KLLN: variants seen among roughly 807,000 people sequenced by gnomAD.
The protein encoded by KLLN is killin, p53 regulated DNA replication inhibitor.
For synonymous variants in KLLN, 142 were observed against 102.2 expected (o/e 1.39, Z -2.35); for missense variants, 340 against 241.3 (o/e 1.41, Z -2.71).
chr10:87,862,066 G>T lies in KLLN; in HGVS notation c.422C>A (p.Thr141Lys). ...NWLHKHPHPN[T>K]CPRLPACWLP... ...CCAGCAGGCGGGGAGGCGGGGGCAC[G>T]TGTTTGGATGTGGGTGCTTGTGTAA... The change falls in exon 1 of 1, where the codon ACG becomes AAG. Residue 141 changes from threonine (T) to lysine (K), a missense_variant. By Grantham distance (78) the Thr-to-Lys change is moderately conservative. Transcript: ENST00000445946. 1 of 1,501,418 alleles carries T rather than the reference G, an allele frequency of 6.7e-7. No individual in the cohort carries two copies. Among genetic ancestry groups the T allele is most frequent in the Non-Finnish European group, 8.9e-7 (1 of 1,121,732 alleles). 93.0% of individuals were successfully genotyped at this position (1,501,418 alleles called of 1,614,324 possible).
In KLLN at chr10:87,862,950, T is replaced by C. The variant is rs373561203; in HGVS notation, c.-463A>G. The C allele has an allele frequency of 1.4e-4, 27 of 189,566 alleles. 1 individual carries two copies. The highest frequency in any genetic ancestry group is 4.0e-4 in the Admixed American group (7 of 17,678). The allele number at this position is 189,566 out of a possible 1,614,324, so 11.7% of individuals were successfully genotyped here. On this transcript the variant is annotated 5_prime_UTR_variant, in exon 1 of 1. Transcript: ENST00000445946. The stretch of plus-strand genomic sequence containing the variant: ...GTTACAGTCAAATCTCTGCGAACGA[T>C]TGTGATCCGACAGCGGTGCAAAAGG...
In KLLN at chr10:87,862,323, G is replaced by T; in HGVS notation, c.165C>A (p.Ala55=). ...GFKRRWKDTR[A]TVGTTFRRRS... is the part of the protein sequence containing the mutation. ...TCCTTCGGAAAGTAGTTCCGACTGT[G>T]GCCCGTGTATCCTTCCACCTCCTTT... The change falls in exon 1 of 1, where the codon GCC becomes GCA. Residue 55 remains alanine, a synonymous_variant. Transcript: ENST00000445946. 1.3e-6 allele frequency: 2 copies of T among 1,551,718 alleles called. No homozygotes were observed. The highest frequency in any genetic ancestry group is 2.7e-5 in the African/African-American group (2 of 73,178).
rs529890302 is a variant in KLLN, at chr10:87,862,297, C to T, written c.191G>A (p.Arg64Lys). 33 of 1,551,758 alleles carry T rather than the reference C, an allele frequency of 2.1e-5. No homozygotes were observed. In the South Asian group the frequency reaches 3.8e-4, roughly 18 times the overall value. The change falls in exon 1 of 1, where the codon AGG becomes AAG. Residue 64 changes from arginine to lysine, a missense_variant. Transcript: ENST00000445946. Reference protein sequence around the residue: ...RATVGTTFRRRSRVSLVGELS... With the variant: ...RATVGTTFRRKSRVSLVGELS... ...TTCCCCAACTAGGGACACACGTGACCTCCTTCGGAAAGTAGTTCCGACTGT... is the reference window on the plus strand; with the variant it reads ...TTCCCCAACTAGGGACACACGTGACTTCCTTCGGAAAGTAGTTCCGACTGT...
chr10:87,862,298 T>C lies in KLLN; in HGVS notation c.190A>G (p.Arg64Gly), dbSNP rs1355394804. 6 of 1,551,744 alleles carry C rather than the reference T, an allele frequency of 3.9e-6. No homozygotes were observed. Among genetic ancestry groups the C allele is most frequent in the East Asian group, 2.4e-5 (1 of 40,914 alleles). ...RATVGTTFRR[R>G]SRVSLVGELS... ...TCCCCAACTAGGGACACACGTGACC[T>C]CCTTCGGAAAGTAGTTCCGACTGTG... is the stretch of plus-strand genomic sequence containing the variant. Residue 64 changes from arginine to glycine, a missense_variant, in exon 1 of 1, where the codon AGG (arginine) becomes GGG (glycine). By Grantham distance (125) the Arg-to-Gly change is moderately radical. Transcript: ENST00000445946.
Position 87,862,870 on chromosome 10 carries a change from A to G in KLLN, c.-383T>C. 1 of 272,202 alleles carries G rather than the reference A, an allele frequency of 3.7e-6. No homozygotes were observed. 16.9% of individuals were successfully genotyped at this position (272,202 alleles called of 1,614,324 possible). A position where few individuals can be genotyped will look rare whatever the true frequency, so the allele number is the denominator to read the frequency against. On this transcript the variant is annotated 5_prime_UTR_variant, in exon 1 of 1. Coordinates refer to ENST00000445946, the MANE Select transcript of KLLN (RefSeq NM_001126049.2). The stretch of plus-strand genomic sequence containing the variant: ...ATAGCAGGTTGCTCTTTGTGCTAAG[A>G]CTGACACCATGAGGACACAGATTTG...
At position 87,862,863 on chromosome 10, in the gene KLLN, T is replaced by G. The variant is rs944097161; in HGVS notation, c.-376A>C. On this transcript the variant is annotated 5_prime_UTR_variant, in exon 1 of 1. Coordinates refer to ENST00000445946, the MANE Select transcript of KLLN (RefSeq NM_001126049.2). The stretch of plus-strand genomic sequence containing the variant: ...CGACACAATAGCAGGTTGCTCTTTG[T>G]GCTAAGACTGACACCATGAGGACAC... 2 of 290,014 alleles carry G rather than the reference T, an allele frequency of 6.9e-6. No individual in the cohort carries two copies. The highest frequency in any genetic ancestry group is 2.1e-5 in the African/African-American group (1 of 46,534). The allele number at this position is 290,014 out of a possible 1,614,324, so 18.0% of individuals were successfully genotyped here.
Position 87,862,437 on chromosome 10 carries a change from A to T in KLLN, c.51T>A (p.Val17=), listed in dbSNP as rs1369330148. 1 of 1,551,410 alleles carries T rather than the reference A, an allele frequency of 6.4e-7. No homozygotes were observed. The highest frequency in any genetic ancestry group is 2.4e-5 in the East Asian group (1 of 40,894). Residue 17 remains valine (V), a synonymous_variant, in exon 1 of 1, where the codon GTT becomes GTA. Transcript: ENST00000445946. ...GSARPGRTVH[V]WGYRVEWKVR... is the part of the protein sequence containing the mutation. ...CTTTCCACTCAACCCGGTAACCCCA[A>T]ACGTGCACGGTCCGGCCGGGGCGCG...
chr10:87,862,580 C>G lies in KLLN; in HGVS notation c.-93G>C. On this transcript the variant is annotated 5_prime_UTR_variant, in exon 1 of 1. Transcript: ENST00000445946. ...CCGACGCCGCGAACCGACCTGGAGC[C>G]CGAGGGGAAAGATGCTCGACTCTCT... is the stretch of plus-strand genomic sequence containing the variant. 8.2e-7 allele frequency: 1 copy of G among 1,213,608 alleles called. No homozygotes were observed. Among genetic ancestry groups the G allele is most frequent in the South Asian group, 1.5e-5 (1 of 65,580 alleles). The allele number at this position is 1,213,608 out of a possible 1,614,324, so 75.2% of individuals were successfully genotyped here.
In KLLN at chr10:87,861,788, G is replaced by T; in HGVS notation, c.*163C>A. The T allele has an allele frequency of 3.4e-6, 2 of 593,802 alleles. No homozygotes were observed. Among genetic ancestry groups the T allele is most frequent in the Non-Finnish European group, 5.6e-6 (2 of 356,786 alleles). The allele number at this position is 593,802 out of a possible 1,614,324, so 36.8% of individuals were successfully genotyped here. Reference sequence around the variant, plus strand: ...CAACATCGGAGAATGCACGCTCTGGGCTGCAGCAGGAGATACCCTCAAGCA... The same window carrying T: ...CAACATCGGAGAATGCACGCTCTGGTCTGCAGCAGGAGATACCCTCAAGCA... On this transcript the variant is annotated 3_prime_UTR_variant, in exon 1 of 1. Coordinates refer to ENST00000445946, the MANE Select transcript of KLLN (RefSeq NM_001126049.2).
rs1381656156 is a variant in KLLN, at chr10:87,862,189, C to T, written c.299G>A (p.Arg100Lys). The T allele has an allele frequency of 5.2e-6, 8 of 1,551,410 alleles. No individual in the cohort carries two copies. In the East Asian group the frequency reaches 2.0e-4, roughly 38 times the overall value. ...GCAGGAAGGGTTGGGGTTCCGCTGC[C>T]TGCACCAGGCAAGAGCACCCCGAGC... ...SFARGALAWC[R>K]QRNPNPSCAA... is the part of the protein sequence containing the mutation. Residue 100 changes from arginine (R) to lysine (K), a missense_variant, in exon 1 of 1, where the codon AGG (arginine) becomes AAG (lysine). Coordinates refer to ENST00000445946, the MANE Select transcript of KLLN (RefSeq NM_001126049.2).
chr10:87,862,357 C>T lies in KLLN; in HGVS notation c.131G>A (p.Gly44Glu). ...ATCCTTCCACCTCCTTTTGAACCCTCCTAGGTCTCCTCGCCCCGCCCACTC... is the reference window on the plus strand; with the variant it reads ...ATCCTTCCACCTCCTTTTGAACCCTTCTAGGTCTCCTCGCCCCGCCCACTC... ...PSEWAGRGDLGGFKRRWKDTR... is the reference protein window; with the variant it reads ...PSEWAGRGDLEGFKRRWKDTR... The change falls in exon 1 of 1, where the codon GGA becomes GAA. Residue 44 changes from glycine to glutamate, a missense_variant. Physicochemically the swap from Gly to Glu is moderately conservative, Grantham distance 98. Transcript: ENST00000445946. 2.6e-6 allele frequency: 4 copies of T among 1,551,686 alleles called. No homozygotes were observed. Among genetic ancestry groups the T allele is most frequent in the East Asian group, 2.4e-5 (1 of 40,896 alleles).
At position 87,862,748 on chromosome 10, in the gene KLLN, A is replaced by G; in HGVS notation, c.-261T>C. ...TTCACGTTCAGCACGCTCGGCTGAGAGCTTTCATTTTTAGGGCAAACGAGC... is the reference window on the plus strand; with the variant it reads ...TTCACGTTCAGCACGCTCGGCTGAGGGCTTTCATTTTTAGGGCAAACGAGC... On this transcript the variant is annotated 5_prime_UTR_variant, in exon 1 of 1. Transcript: ENST00000445946. The G allele has an allele frequency of 1.9e-6, 1 of 516,574 alleles. No individual in the cohort carries two copies. Among genetic ancestry groups the G allele is most frequent in the Admixed American group, 3.4e-5 (1 of 29,292 alleles). 32.0% of individuals were successfully genotyped at this position (516,574 alleles called of 1,614,324 possible).
At position 87,862,598 on chromosome 10, in the gene KLLN, G is replaced by C. The variant is rs2132138198; in HGVS notation, c.-111C>G. 9.7e-7 allele frequency: 1 copy of C among 1,030,424 alleles called. No individual in the cohort carries two copies. Among genetic ancestry groups the C allele is most frequent in the Non-Finnish European group, 1.4e-6 (1 of 711,146 alleles). The allele number at this position is 1,030,424 out of a possible 1,614,324, so 63.8% of individuals were successfully genotyped here. ...CTGGAGCCCGAGGGGAAAGATGCTC[G>C]ACTCTCTTGGGGGCACCGGAGCGGG... On this transcript the variant is annotated 5_prime_UTR_variant, in exon 1 of 1. Coordinates refer to ENST00000445946, the MANE Select transcript of KLLN (RefSeq NM_001126049.2).
At position 87,862,659 on chromosome 10, in the gene KLLN, G is replaced by T; in HGVS notation, c.-172C>A. 1.6e-6 allele frequency: 1 copy of T among 625,234 alleles called. No individual in the cohort carries two copies. Among genetic ancestry groups the T allele is most frequent in the South Asian group, 2.0e-5 (1 of 49,646 alleles). The allele number at this position is 625,234 out of a possible 1,614,324, so 38.7% of individuals were successfully genotyped here. A position where few individuals can be genotyped will look rare whatever the true frequency, so the allele number is the denominator to read the frequency against. On this transcript the variant is annotated 5_prime_UTR_variant, in exon 1 of 1. It adds an upstream start codon to the 5' untranslated region. Coordinates refer to ENST00000445946, the MANE Select transcript of KLLN (RefSeq NM_001126049.2). ...GCCTGCGGGGTGCGTCCCACTCACA[G>T]GGATCCTCTTTCAGTTCATTTAGAT...
Position 87,859,271 on chromosome 10 carries a change from T to G in KLLN, c.*2680A>C, listed in dbSNP as rs544033033. 6.6e-6 allele frequency: 1 copy of G among 152,276 alleles called. No individual in the cohort carries two copies. Among genetic ancestry groups the G allele is most frequent in the East Asian group, 1.9e-4 (1 of 5,190 alleles). The allele number at this position is 152,276 out of a possible 1,614,324, so 9.4% of individuals were successfully genotyped here. ...CTTGGAACAATGGGTTTACATTCAA[T>G]CCAATGATTATTATGTTTTTATATT... On this transcript the variant is annotated 3_prime_UTR_variant, in exon 1 of 1. Coordinates refer to ENST00000445946, the MANE Select transcript of KLLN (RefSeq NM_001126049.2).
Position 87,860,830 on chromosome 10 carries a change from A to C in KLLN, c.*1121T>G, listed in dbSNP as rs1858243251. 6.6e-6 allele frequency: 1 copy of C among 152,228 alleles called. No individual in the cohort carries two copies. Among genetic ancestry groups the C allele is most frequent in the Non-Finnish European group, 1.5e-5 (1 of 68,042 alleles). 9.4% of individuals were successfully genotyped at this position (152,228 alleles called of 1,614,324 possible). A position where few individuals can be genotyped will look rare whatever the true frequency, so the allele number is the denominator to read the frequency against. ...TGGTTTTTACCATGCAATCTAGTAGAACACCTAGACATCAGGAACTCCTTA... is the reference window on the plus strand; with the variant it reads ...TGGTTTTTACCATGCAATCTAGTAGCACACCTAGACATCAGGAACTCCTTA... On this transcript the variant is annotated 3_prime_UTR_variant, in exon 1 of 1. Coordinates refer to ENST00000445946, the MANE Select transcript of KLLN (RefSeq NM_001126049.2).
rs537792531 is a variant in KLLN, at chr10:87,862,161, G to C, written c.327C>G (p.Ala109=). Residue 109 remains alanine (A), a synonymous_variant, in exon 1 of 1, where the codon GCC becomes GCG. Coordinates refer to ENST00000445946, the MANE Select transcript of KLLN (RefSeq NM_001126049.2). ...CRQRNPNPSC[A]AAETGARTSL... ...TGGTCCGAGCCCCTGTTTCCGCCGC[G>C]GCGCAGGAAGGGTTGGGGTTCCGCT... 30 of 1,551,096 alleles carry C rather than the reference G, an allele frequency of 1.9e-5. No individual in the cohort carries two copies. The African/African-American group carries it at 3.7e-4, about 19-fold the overall frequency.
At position 87,862,161 on chromosome 10, in the gene KLLN, G is replaced by A. The variant is rs537792531; in HGVS notation, c.327C>T (p.Ala109=). Residue 109 remains alanine, a synonymous_variant, in exon 1 of 1, where the codon GCC becomes GCT. Coordinates refer to ENST00000445946, the MANE Select transcript of KLLN (RefSeq NM_001126049.2). ...CRQRNPNPSC[A]AAETGARTSL... is the part of the protein sequence containing the mutation. ...TGGTCCGAGCCCCTGTTTCCGCCGC[G>A]GCGCAGGAAGGGTTGGGGTTCCGCT... 1.0e-5 allele frequency: 16 copies of A among 1,550,978 alleles called. No homozygotes were observed. Among genetic ancestry groups the A allele is most frequent in the South Asian group, 1.2e-5 (1 of 84,064 alleles).
At position 87,863,408 on chromosome 10, in the gene KLLN, C is replaced by A. The variant is rs1064794180; in HGVS notation, c.-921G>T. 13 of 365,632 alleles carry A rather than the reference C, an allele frequency of 3.6e-5. No individual in the cohort carries two copies. The East Asian group carries it at 4.7e-4, about 13-fold the overall frequency. The allele number at this position is 365,632 out of a possible 1,614,324, so 22.6% of individuals were successfully genotyped here. On this transcript the variant is annotated 5_prime_UTR_variant, in exon 1 of 1. Coordinates refer to ENST00000445946, the MANE Select transcript of KLLN (RefSeq NM_001126049.2). ...CTCGCACCCAGAGCTACCGCTCTGCCCCCTCCTACCGCCCCCTGCCCTGCC... is the reference window on the plus strand; with the variant it reads ...CTCGCACCCAGAGCTACCGCTCTGCACCCTCCTACCGCCCCCTGCCCTGCC...
Sources: allele counts gnomAD v4.1 joint callset, GRCh38; gene constraint gnomAD v4.1.1; transcripts MANE v1.5; gene names NCBI Gene and HGNC (gene_info 2026-07-23, HGNC 2026-07-21).